Variants in PFKFB3 observed in about 807,000 individuals in gnomAD.
The protein encoded by PFKFB3 is 6-phosphofructo-2-kinase/fructose-2,6-biphosphatase 3.
In PFKFB3, 33 loss-of-function variants were observed where a neutral mutation model predicts 68.0. The ratio of observed to expected loss-of-function variants is 0.49; its 90% CI spans 0.37 to 0.65. The LOEUF is 0.65. PFKFB3 is among the 30% of genes least tolerant of loss of function. The pLI, the probability that PFKFB3 is intolerant of heterozygous loss-of-function variation, is 0.00. For synonymous variants in PFKFB3, 315 were observed against 288.2 expected (o/e 1.09, Z -0.94); for missense variants, 586 against 712.2 (o/e 0.82, Z 2.02).
chr10:6,310,965 G>A, the PFKFB3 span, among the ~76,000 whole-genome samples: 1 of 152,026 alleles, frequency 6.6e-6, no homozygotes, highest in Non-Finnish European at 1.5e-5. Flanking sequence ...GAGGTAGCAG[G>A]TCAATGTTTT....
chr10:6,244,822 A>G (rs1004438772), intron 14 of PFKFB3, among the ~76,000 whole-genome samples: 12 of 152,184 alleles, frequency 7.9e-5, no homozygotes, highest in African/African-American at 2.9e-4. Context: ...TTCATTCGTA[A>G]TTGAGAGGGA....
chr10:6,268,714 A>C, the PFKFB3 span, among the ~76,000 whole-genome samples: 452 of 151,500 alleles, frequency 3.0e-3, 1 homozygote, highest in African/African-American at 0.01. Context: ...TACATTCACA[A>C]ATTTCAAACA....
rs1330491100 is a variant in PFKFB3 at position 6,234,204 on chromosome 10, A to T, written c.*1262A>T. 1 of 152,358 alleles carries T rather than the reference A, an allele frequency of 6.6e-6. No individual in the cohort carries two copies. Among genetic ancestry groups the T allele is most frequent in the African/African-American group, 2.4e-5 (1 of 41,420 alleles). The allele number at this position is 152,358 out of a possible 1,614,324, so 9.4% of individuals were successfully genotyped here. A position where few individuals can be genotyped will look rare whatever the true frequency, so the allele number is the denominator to read the frequency against. On this transcript the variant is annotated 3_prime_UTR_variant, in exon 15 of 15. Transcript: ENST00000379775. ...AGATGAAACCATTTGGAAACTCGGC[A>T]GCAGAGTTTGTCCAAATGACCCTTT...
downstream of PFKFB3, among the ~76,000 whole-genome samples, chr10:6,258,436 G>A (rs1228026043): frequency 6.6e-6 from 1 of 152,232 alleles, no homozygotes; most frequent in Non-Finnish European, 1.5e-5. Flanking sequence ...GGGCTTCTCT[G>A]TTTCTGGGCC....
intron 9 of PFKFB3, 26 bp downstream of exon 9, chr10:6,221,553 G>A (rs760597111): frequency 2.5e-6 from 4 of 1,612,394 alleles, no homozygotes; most frequent in Non-Finnish European, 3.4e-6. Context: ...CGGGCAGGCA[G>A]CCTCACCCTC....
chr10:6,192,139 T>TACACACACACACACACACACAC (rs60638987), intron 1 of PFKFB3, among the ~76,000 whole-genome samples: 28 of 119,138 alleles, frequency 2.4e-4, no homozygotes, highest in Admixed American at 1.5e-3. Flanking sequence ...CATTCCCCAA[T>TACACACACACACACACACACAC]ACACACACAC....
chr10:6,189,100 A>G (rs1349979628), intron 1 of PFKFB3, among the ~76,000 whole-genome samples: 8 of 152,056 alleles, frequency 5.3e-5, no homozygotes, highest in Admixed American at 1.3e-4. Context: ...TGGCCTCCCA[A>G]AGTGCTGGGA....
chr10:6,258,283 C>T (rs1180320444), downstream of PFKFB3, among the ~76,000 whole-genome samples: 2 of 152,010 alleles, frequency 1.3e-5, no homozygotes, highest in Admixed American at 1.3e-4. Flanking sequence ...AAGAGAGTTT[C>T]AGATTGGGGA....
the PFKFB3 span, among the ~76,000 whole-genome samples, chr10:6,289,790 T>A: frequency 6.6e-6 from 1 of 151,932 alleles, no homozygotes; most frequent in Admixed American, 6.6e-5. Flanking sequence ...TAAATTACCT[T>A]GGGCAGTATG....
At chr10:6,257,102 A>G (rs542088465), downstream of PFKFB3, among the ~76,000 whole-genome samples, 1 of 152,328 alleles carries the variant, frequency 6.6e-6, no homozygotes, top group East Asian at 1.9e-4. Context: ...CAGCAGCATC[A>G]TAAATGAAGT....
chr10:6,306,451 C>T, the PFKFB3 span, among the ~76,000 whole-genome samples: 1 of 152,224 alleles, frequency 6.6e-6, no homozygotes, highest in Non-Finnish European at 1.5e-5. Flanking sequence ...TTCAGCCTCT[C>T]TCTGGGTTTG....
At chr10:6,177,926 GGT>G (rs1392062528) in intron 1 of PFKFB3, among the ~76,000 whole-genome samples, 1 of 152,142 alleles carries the variant, frequency 6.6e-6, no homozygotes, top group Non-Finnish European at 1.5e-5. Context: ...GGATACCTGA[GGT>G]GGGCACGTGG....
chr10:6,297,162 A>T, the PFKFB3 span, among the ~76,000 whole-genome samples: 1 of 152,238 alleles, frequency 6.6e-6, no homozygotes, highest in Non-Finnish European at 1.5e-5. Context: ...TTTGTGTCCC[A>T]GTGGAGCATA....
intron 1 of PFKFB3, among the ~76,000 whole-genome samples, chr10:6,210,366 T>TG (rs1844104193): frequency 2.3e-5 from 2 of 86,296 alleles, no homozygotes; most frequent in African/African-American, 6.3e-5. Flanking sequence ...GTTTTTTTGT[T>TG]TTTTTTTTTT....
chr10:6,203,797 A>T (rs112971880), intron 1 of PFKFB3, among the ~76,000 whole-genome samples: 2,195 of 152,022 alleles, frequency 0.014, 19 homozygotes, highest in Non-Finnish European at 0.022. Flanking sequence ...CCCTCGCTTC[A>T]CTTAATAACC....
chr10:6,242,027 T>G (rs1177815560), intron 14 of PFKFB3, among the ~76,000 whole-genome samples: 2 of 152,116 alleles, frequency 1.3e-5, no homozygotes, highest in East Asian at 3.9e-4. Context: ...TTAAATTTTT[T>G]GTGGAGTTGG....
the PFKFB3 span, among the ~76,000 whole-genome samples, chr10:6,283,273 A>G: frequency 0.95 from 144,896 of 152,300 alleles, 69,356 homozygotes; most frequent in East Asian, 1. Flanking sequence ...CAGCCAAGTT[A>G]TTCTATTTAA....
chr10:6,146,261 G>A, intron 1 of PFKFB3: 2 of 1,463,610 alleles, frequency 1.4e-6, no homozygotes, highest in South Asian at 1.3e-5. Flanking sequence ...GTGATGCTAC[G>A]GTTGCCTGGA....
At chr10:6,194,555 G>A (rs1283912484) in intron 1 of PFKFB3, among the ~76,000 whole-genome samples, 2 of 152,172 alleles carry the variant, frequency 1.3e-5, no homozygotes, top group South Asian at 2.1e-4. Flanking sequence ...AGAGACAAGG[G>A]GGCATTTCCA....
Sources: gnomAD v4.1 joint callset for allele counts (sites outside exome capture counted in the v4.1 genomes callset) on GRCh38, gnomAD v4.1.1 for gene constraint, MANE v1.5 for transcripts, NCBI Gene and HGNC (gene_info 2026-07-23, HGNC 2026-07-21) for gene names.